CD96: variants seen among roughly 807,000 people sequenced by gnomAD.
CD96 encodes the protein T-cell surface protein tactile.
Under a neutral mutation model 71.3 loss-of-function variants are expected in CD96, and 70 were observed. The ratio of observed to expected loss-of-function variants is 0.98; its 90% CI spans 0.81 to 1.20. The LOEUF is 1.20. Ranked by LOEUF, CD96 falls within the 50% of genes most tolerant of loss-of-function variation. The probability of loss-of-function intolerance (pLI) is 0.00; values close to 1 mark genes in which losing one functional copy is unlikely to be tolerated. For missense variants in CD96, 742 were observed against 677.5 expected (o/e 1.10, Z -1.06); for synonymous variants, 248 against 233.0 (o/e 1.06, Z -0.59).
intron 8 of CD96, among the ~76,000 whole-genome samples, chr3:111,612,430 CATGATTGT>C (rs1469331934): frequency 6.6e-6 from 1 of 152,190 alleles, no homozygotes; most frequent in Non-Finnish European, 1.5e-5. Flanking sequence ...TACCAACTGC[CATGATTGT>C]ATAATAATAC....
In CD96 at chr3:111,593,717, C is replaced by T. The variant is rs144259563; in HGVS notation, c.808-4403C>T. The T allele has an allele frequency of 1.4e-5, 22 of 1,614,060 alleles. No homozygotes were observed. In the African/African-American group the frequency reaches 2.4e-4, roughly 18 times the overall value. ...CCGCCATTCCACTGCCCTTTCCCTC[C>T]TAAGCACCTCCTTTTCCCTTTGGCT... On this transcript the variant is annotated intron_variant, in intron 5 of 13. Transcript: ENST00000352690.
intron 5 of CD96, chr3:111,593,486 A>AATT: frequency 6.7e-7 from 1 of 1,498,322 alleles, no homozygotes; most frequent in Non-Finnish European, 8.9e-7. Context: ...TGAAACTAAA[A>AATT]TGGCTCTTTT....
At chr3:111,617,696 A>G (rs1938312317) in intron 8 of CD96, among the ~76,000 whole-genome samples, 1 of 151,904 alleles carries the variant, frequency 6.6e-6, no homozygotes, top group African/African-American at 2.4e-5. Flanking sequence ...CACCTTGCTC[A>G]CCCTCCAGTT....
intron 3 of CD96, chr3:111,571,166 C>T (rs1211759095): frequency 3.4e-6 from 2 of 596,748 alleles, no homozygotes; most frequent in Non-Finnish European, 6.1e-6. Flanking sequence ...TCCCTGCCCC[C>T]TTTTCTTGCC....
intron 5 of CD96, among the ~76,000 whole-genome samples, chr3:111,589,676 C>T (rs912318937): frequency 6.6e-6 from 1 of 152,168 alleles, no homozygotes; most frequent in African/African-American, 2.4e-5. Context: ...ATAGATAGGG[C>T]ATCTGTCATT....
chr3:111,612,299 A>T (rs1461828249), intron 8 of CD96, among the ~76,000 whole-genome samples: 1 of 152,246 alleles, frequency 6.6e-6, no homozygotes, highest in Non-Finnish European at 1.5e-5. Flanking sequence ...GTAGAAATGG[A>T]GAGTGCTGCA....
chr3:111,564,691 T>G (rs1178377460), intron 2 of CD96, among the ~76,000 whole-genome samples: 1 of 152,206 alleles, frequency 6.6e-6, no homozygotes, highest in Admixed American at 6.6e-5. Context: ...TTGTTCTCTA[T>G]TCTTTTTTTG....
chr3:111,548,186 T>C (rs1934511065), intron 2 of CD96, among the ~76,000 whole-genome samples: 1 of 152,106 alleles, frequency 6.6e-6, no homozygotes, highest in Non-Finnish European at 1.5e-5. Context: ...AATTTGAAAA[T>C]GCTGAGGGAC....
chr3:111,585,966 G>A (rs982883145), intron 5 of CD96, among the ~76,000 whole-genome samples: 5 of 152,044 alleles, frequency 3.3e-5, no homozygotes, highest in African/African-American at 7.2e-5. Context: ...TCAATTTCTC[G>A]CTCTTTCTCT....
intron 5 of CD96, chr3:111,594,299 G>A: frequency 7.0e-7 from 1 of 1,437,798 alleles, no homozygotes; most frequent in Non-Finnish European, 9.4e-7. Context: ...AGGGCCTGTG[G>A]TAACTCTTGG....
chr3:111,577,763 T>A (rs1181529087), intron 3 of CD96, among the ~76,000 whole-genome samples: 1 of 152,236 alleles, frequency 6.6e-6, no homozygotes, highest in East Asian at 1.9e-4. Flanking sequence ...TTTCTGCCCA[T>A]ACTTGAATGT....
intron 14 of CD96, among the ~76,000 whole-genome samples, chr3:111,662,801 G>A (rs149677860): frequency 6.6e-6 from 1 of 152,280 alleles, no homozygotes; most frequent in East Asian, 1.9e-4. Flanking sequence ...CAAGTTTCTA[G>A]GAAGTTCCAA....
intron 2 of CD96, among the ~76,000 whole-genome samples, chr3:111,557,841 T>C (rs1935153197): frequency 7.6e-6 from 1 of 131,680 alleles, no homozygotes; most frequent in Non-Finnish European, 1.6e-5. Flanking sequence ...CCCATGAGCA[T>C]GGAATGTTCT....
chr3:111,611,675 A>G (rs1362484617), intron 8 of CD96, among the ~76,000 whole-genome samples: 1 of 152,216 alleles, frequency 6.6e-6, no homozygotes, highest in African/African-American at 2.4e-5. Flanking sequence ...AAGGGGGATC[A>G]GGGAAGTCTT....
chr3:111,548,681 T>A (rs977550791), intron 2 of CD96, among the ~76,000 whole-genome samples: 11 of 152,194 alleles, frequency 7.2e-5, no homozygotes, highest in Non-Finnish European at 5.9e-5. Context: ...CTTGGTGGGC[T>A]GTTAATGTTA....
chr3:111,607,380 C>T (rs1320049575), intron 8 of CD96, among the ~76,000 whole-genome samples: 2 of 152,052 alleles, frequency 1.3e-5, no homozygotes, highest in Non-Finnish European at 2.9e-5. Flanking sequence ...TTCAGCCCTC[C>T]CATCTGAGGC....
At chr3:111,549,792 TC>T (rs758176450) in intron 2 of CD96, among the ~76,000 whole-genome samples, 1 of 152,178 alleles carries the variant, frequency 6.6e-6, no homozygotes, top group East Asian at 1.9e-4. Flanking sequence ...TGGAAGATGA[TC>T]AGATCATACA....
At chr3:111,567,396 C>G in intron 2 of CD96, 127 bp from the exon 3 acceptor site, 1 of 741,960 alleles carries the variant, frequency 1.3e-6, no homozygotes. Flanking sequence ...GTTTGCCTCT[C>G]TTTTTCATAG....
chr3:111,637,710 A>G (rs1380348127), intron 11 of CD96, among the ~76,000 whole-genome samples: 1 of 151,968 alleles, frequency 6.6e-6, no homozygotes, highest in Non-Finnish European at 1.5e-5. Flanking sequence ...CACGACCCCC[A>G]ACTCTGGCCT....
Sources: gnomAD v4.1 joint callset for allele counts (sites outside exome capture counted in the v4.1 genomes callset) on GRCh38, gnomAD v4.1.1 for gene constraint, MANE v1.5 for transcripts, NCBI Gene and HGNC (gene_info 2026-07-23, HGNC 2026-07-21) for gene names.